Variants in PKN2 observed in about 807,000 individuals in gnomAD.
PKN2 encodes the protein serine/threonine-protein kinase N2.
PKN2 carries 38 observed loss-of-function variants against 119.1 expected under a neutral mutation model. That is an observed-to-expected ratio of 0.32 (90% CI 0.25 to 0.42). The LOEUF (loss-of-function observed/expected upper bound fraction) is 0.42, where lower values mean the gene tolerates loss of function less well. Among genes scored for constraint, PKN2 ranks in the 10% least tolerant of loss-of-function variants. PKN2 has a pLI of 1.00. For synonymous variants in PKN2, 390 were observed against 384.9 expected (o/e 1.01, Z -0.15); for missense variants, 850 against 1,165.1 (o/e 0.73, Z 3.94).
chr1:88,703,310 G>T (rs1319380244), intron 1 of PKN2, among the ~76,000 whole-genome samples: 2 of 152,000 alleles, frequency 1.3e-5, no homozygotes, highest in Non-Finnish European at 2.9e-5. Context: ...TCTAAAACGT[G>T]CAGATAGTTT....
At position 88,821,927 on chromosome 1, in the gene PKN2, A is replaced by C. The variant is rs1402937034; in HGVS notation, c.2280-14A>C. ...AAATTTATTAAACTCCTGTTGATTT[A>C]ATTCTTCAAACAGATTTTATGCTGC... is the stretch of plus-strand genomic sequence containing the variant. On this transcript the variant is annotated splice_polypyrimidine_tract_variant and intron_variant, in intron 16 of 21. Coordinates refer to ENST00000370521, the MANE Select transcript of PKN2 (RefSeq NM_006256.4). The C allele has an allele frequency of 6.4e-7, 1 of 1,557,636 alleles. No individual in the cohort carries two copies. Among genetic ancestry groups the C allele is most frequent in the Non-Finnish European group, 8.6e-7 (1 of 1,157,564 alleles).
At chr1:88,726,135 C>T (rs1006967631) in intron 1 of PKN2, among the ~76,000 whole-genome samples, 12 of 152,080 alleles carry the variant, frequency 7.9e-5, no homozygotes, top group Non-Finnish European at 1.6e-4. Context: ...ACCCTGTTAT[C>T]TGCTAATAGG....
chr1:88,812,933 T>C (rs561660795), intron 15 of PKN2, among the ~76,000 whole-genome samples: 3 of 152,370 alleles, frequency 2.0e-5, no homozygotes, highest in South Asian at 2.1e-4. Flanking sequence ...CATTATTTTC[T>C]AGTAAATTTA....
intron 2 of PKN2, among the ~76,000 whole-genome samples, chr1:88,750,635 C>G (rs1026468703): frequency 7.2e-5 from 11 of 152,100 alleles, no homozygotes; most frequent in Non-Finnish European, 1.3e-4. Context: ...TGGATATTAC[C>G]TGGATGTCCT....
chr1:88,824,133 CA>C (rs1672405691), intron 17 of PKN2, among the ~76,000 whole-genome samples, 176 bp from the exon 18 acceptor site: 1 of 151,640 alleles, frequency 6.6e-6, no homozygotes, highest in African/African-American at 2.4e-5. Context: ...ATAAACTTAC[CA>C]AAAGGAAGAA....
At chr1:88,771,612 T>G (rs1669897520) in intron 5 of PKN2, 46 bp downstream of exon 5, 2 of 1,576,766 alleles carry the variant, frequency 1.3e-6, no homozygotes, top group Non-Finnish European at 1.7e-6. Flanking sequence ...AATACATTAT[T>G]CAAAGTATGT....
intron 2 of PKN2, among the ~76,000 whole-genome samples, chr1:88,759,062 T>G (rs1669335296): frequency 6.6e-6 from 1 of 152,234 alleles, no homozygotes; most frequent in South Asian, 2.1e-4. Context: ...ATTTTTTGAC[T>G]TTTTAATAAT....
At chr1:88,797,731 T>A (rs1216693217) in intron 8 of PKN2, among the ~76,000 whole-genome samples, 1 of 152,186 alleles carries the variant, frequency 6.6e-6, no homozygotes, top group Non-Finnish European at 1.5e-5. Flanking sequence ...GCCTCACTTG[T>A]TATTAGGAAA....
At chr1:88,722,656 C>G (rs6664741) in intron 1 of PKN2, among the ~76,000 whole-genome samples, 10,201 of 151,862 alleles carry the variant, frequency 0.067, 703 homozygotes, top group African/African-American at 0.18. Context: ...TGGCACGTGC[C>G]TATATAGTTC....
chr1:88,815,400 TA>T, intron 16 of PKN2: 1 of 337,346 alleles, frequency 3.0e-6, no homozygotes, highest in South Asian at 2.3e-5. Flanking sequence ...ATCACATCAC[TA>T]ACCAATTCAG....
At chr1:88,700,271 A>G (rs1244800604) in intron 1 of PKN2, among the ~76,000 whole-genome samples, 1 of 152,120 alleles carries the variant, frequency 6.6e-6, no homozygotes, top group Non-Finnish European at 1.5e-5. Context: ...ATACCCAGTA[A>G]TGGGATTTCT....
intron 17 of PKN2, among the ~76,000 whole-genome samples, chr1:88,822,526 A>G (rs1010466984): frequency 4.0e-5 from 6 of 151,258 alleles, no homozygotes; most frequent in Non-Finnish European, 7.4e-5. Context: ...GACCAAGCAG[A>G]TTATGAGAAG....
At chr1:88,801,394 A>G (rs1671302837) in intron 8 of PKN2, among the ~76,000 whole-genome samples, 1 of 152,202 alleles carries the variant, frequency 6.6e-6, no homozygotes, top group Admixed American at 6.5e-5. Flanking sequence ...TCAAAAAACA[A>G]AAAATAATAA....
chr1:88,720,564 A>T (rs748139074), intron 1 of PKN2, among the ~76,000 whole-genome samples: 2 of 152,208 alleles, frequency 1.3e-5, no homozygotes, highest in African/African-American at 2.4e-5. Flanking sequence ...TTTAACTCAC[A>T]TTTAGAGATG....
intron 15 of PKN2, among the ~76,000 whole-genome samples, chr1:88,812,916 T>A (rs1378285926): frequency 6.6e-6 from 1 of 152,318 alleles, no homozygotes; most frequent in East Asian, 1.9e-4. Flanking sequence ...TAAAGCAATT[T>A]TTAGTACATT....
rs562487046 is a variant in PKN2, at chr1:88,711,073, T to A, written c.48+26445T>A. ...ACGAAATACTACATGTTCTGTCTTATAAGTGGGAGCTAAATGATGAGAACA... is the reference window on the plus strand; with the variant it reads ...ACGAAATACTACATGTTCTGTCTTAAAAGTGGGAGCTAAATGATGAGAACA... On this transcript the variant is annotated intron_variant, in intron 1 of 21. Transcript: ENST00000370521. Among the ~76,000 whole-genome samples the A allele has an allele frequency of 2.0e-5, 3 of 151,506 alleles. No individual in the cohort carries two copies. In the East Asian group the frequency reaches 5.8e-4, roughly 29 times the overall value.
At chr1:88,755,485 T>C (rs1244808405) in intron 2 of PKN2, among the ~76,000 whole-genome samples, 7 of 152,230 alleles carry the variant, frequency 4.6e-5, no homozygotes, top group African/African-American at 1.7e-4. Context: ...ATAAATTCTC[T>C]AAGTTTCAGA....
At position 88,820,223 on chromosome 1, in the gene PKN2, TATATATATATAAATAGAA is replaced by T. The variant is rs1445248201; in HGVS notation, c.2280-1716_2280-1699del. Among the ~76,000 whole-genome samples the T allele has an allele frequency of 6.9e-4, 28 of 40,494 alleles. 1 individual carries two copies. Among genetic ancestry groups the T allele is most frequent in the African/African-American group, 2.5e-3 (26 of 10,432 alleles). The allele number at this position is 40,494 out of a possible 152,430, so 26.6% of individuals were successfully genotyped here. On this transcript the variant is annotated intron_variant, in intron 16 of 21. Transcript: ENST00000370521. ...ATATATATATATATATATATATATA[TATATATATATAAATAGAA>T]AAAAATAAAAATGCGAGGCACCATG...
chr1:88,684,701 C>A, intron 1 of PKN2, 73 bp downstream of exon 1: 1 of 1,323,936 alleles, frequency 7.6e-7, no homozygotes, highest in Non-Finnish European at 1.0e-6. Flanking sequence ...CGTCGGGGAC[C>A]GAGGAAAGCC....
Sources: gnomAD v4.1 joint callset for allele counts (sites outside exome capture counted in the v4.1 genomes callset) on GRCh38, gnomAD v4.1.1 for gene constraint, MANE v1.5 for transcripts, NCBI Gene and HGNC (gene_info 2026-07-23, HGNC 2026-07-21) for gene names.